SHC2: variants seen among roughly 807,000 people sequenced by gnomAD.
The protein encoded by SHC2 is SHC-transforming protein 2.
Under a neutral mutation model 60.6 loss-of-function variants are expected in SHC2, and 62 were observed. The ratio of observed to expected loss-of-function variants is 1.02; its 90% confidence interval spans 0.83 to 1.26. The LOEUF (loss-of-function observed/expected upper bound fraction) is 1.26, where lower values mean the gene tolerates loss of function less well. Ranked by LOEUF, SHC2 falls within the 50% of genes most tolerant of loss-of-function variation. The pLI is 0.00. For missense variants in SHC2, 873 were observed against 822.2 expected (o/e 1.06, Z -0.76); for synonymous variants, 375 against 372.4 (o/e 1.01, Z -0.08).
Position 436,668 on chromosome 19 carries a change from G to A in SHC2, c.736C>T (p.His246Tyr), listed in dbSNP as rs756890819. Residue 246 changes from histidine (H) to tyrosine (Y), a missense_variant, in exon 5 of 13, where the codon CAC (histidine) becomes TAC (tyrosine). By Grantham distance (83) the His-to-Tyr change is moderately conservative. Transcript: ENST00000264554. ...PATRQVIANH[H>Y]MPSISFASGG... ...GACGCGAAGGAGATGGACGGCATGT[G>A]GTGGTTGGCGATGACCTGTGGCGGC... The A allele has an allele frequency of 5.0e-6, 8 of 1,606,718 alleles. No individual in the cohort carries two copies. The South Asian group carries it at 8.8e-5, about 18-fold the overall frequency.
intron 1 of SHC2, among the ~76,000 whole-genome samples, chr19:451,650 T>G (rs572424239): frequency 2.0e-5 from 3 of 152,336 alleles, no homozygotes; most frequent in African/African-American, 7.2e-5. Flanking sequence ...CAGGCTGGAG[T>G]GCAGTGGCGT....
chr19:457,408 G>A lies in SHC2; in HGVS notation c.468+3121C>T, dbSNP rs184729528. Among the ~76,000 whole-genome samples, 60 of 88,484 alleles carry A rather than the reference G, an allele frequency of 6.8e-4. 1 individual carries two copies. Among genetic ancestry groups the A allele is most frequent in the Middle Eastern group, 7.0e-3 (1 of 142 alleles). 58.0% of individuals were successfully genotyped at this position (88,484 alleles called of 152,430 possible). ...AACTATGTCTGCAAACCCCACGGCC[G>A]GGGTTTCCATGGCTCAGGTCTCAGC... On this transcript the variant is annotated intron_variant, in intron 1 of 12. Coordinates refer to ENST00000264554, the MANE Select transcript of SHC2 (RefSeq NM_012435.3).
chr19:439,752 G>A (rs748445155), intron 2 of SHC2, among the ~76,000 whole-genome samples: 30 of 152,194 alleles, frequency 2.0e-4, no homozygotes, highest in Admixed American at 7.2e-4. Flanking sequence ...GCATGCAGGC[G>A]CGGCGGCCCC....
intron 11 of SHC2, 32 bp from the exon 12 acceptor site, chr19:419,088 G>T: frequency 6.5e-7 from 1 of 1,549,772 alleles, no homozygotes; most frequent in South Asian, 1.2e-5. Flanking sequence ...ATCAGCTCCC[G>T]GGAGCCCGCC....
In SHC2 at chr19:453,991, C is replaced by T. The variant is rs575915752; in HGVS notation, c.468+6538G>A. Among the ~76,000 whole-genome samples the T allele has an allele frequency of 1.3e-3, 193 of 152,316 alleles. 1 individual carries two copies. The highest frequency in any genetic ancestry group is 4.4e-3 in the African/African-American group (185 of 41,594). On this transcript the variant is annotated intron_variant, in intron 1 of 12. Coordinates refer to ENST00000264554, the MANE Select transcript of SHC2 (RefSeq NM_012435.3). The surrounding 1 kb of genome is among the most constrained non-coding windows in gnomAD (Gnocchi z 6.3). ...GGGTCGGTGTCCACAGACCTTGGCA[C>T]GAACTCTGGCCTCTCCAGGAGACAA...
intron 1 of SHC2, among the ~76,000 whole-genome samples, chr19:457,406 C>CCTTTGCACCTG (rs1555710252): frequency 1.3e-5 from 2 of 152,102 alleles, no homozygotes; most frequent in East Asian, 1.9e-4. Context: ...AACCCCACGG[C>CCTTTGCACCTG]CGGGGTTTCC....
chr19:418,242 G>A (rs1202262844), intron 12 of SHC2, among the ~76,000 whole-genome samples: 1 of 152,148 alleles, frequency 6.6e-6, no homozygotes, highest in African/African-American at 2.4e-5. Flanking sequence ...CGTCCTCTCC[G>A]GCAGTGCCCA....
At position 460,941 on chromosome 19, in the gene SHC2, G is replaced by T; in HGVS notation, c.56C>A (p.Pro19His). 2.0e-6 allele frequency: 2 copies of T among 988,700 alleles called. No individual in the cohort carries two copies. Among genetic ancestry groups the T allele is most frequent in the Non-Finnish European group, 2.4e-6 (2 of 833,224 alleles). The allele number at this position is 988,700 out of a possible 1,614,324, so 61.2% of individuals were successfully genotyped here. The change falls in exon 1 of 13, where the codon CCC (proline) becomes CAC (histidine). Residue 19 changes from proline (P) to histidine (H), a missense_variant. Coordinates refer to ENST00000264554, the MANE Select transcript of SHC2 (RefSeq NM_012435.3). ...APPAPPAPPE[P>H]EAPTTFCALL... is the part of the protein sequence containing the mutation. ...CGCGCAGAAGGTGGTGGGCGCCTCG[G>T]GCTCGGGGGGCGCGGGGGGCGCCGG...
Position 449,755 on chromosome 19 carries a change from G to A in SHC2, c.469-8823C>T, listed in dbSNP as rs769079070. Reference sequence around the variant, plus strand: ...CAGCCTGGGCAACGAGAGCAAAACCGTGTCTCAATAATGATAATAATAATA... The same window carrying A: ...CAGCCTGGGCAACGAGAGCAAAACCATGTCTCAATAATGATAATAATAATA... On this transcript the variant is annotated intron_variant, in intron 1 of 12. Transcript: ENST00000264554. 3.0e-4 allele frequency among the ~76,000 whole-genome samples: 46 copies of A among 152,070 alleles called. 1 individual carries two copies. Among genetic ancestry groups the A allele is most frequent in the Non-Finnish European group, 5.7e-4 (39 of 68,034 alleles).
rs1974879204 is a variant in SHC2 at position 441,839 on chromosome 19, T to C, written c.469-907A>G. 1.3e-5 allele frequency among the ~76,000 whole-genome samples: 2 copies of C among 152,272 alleles called. No homozygotes were observed. The highest frequency in any genetic ancestry group is 4.1e-4 in the South Asian group (2 of 4,832). ...TTATGTGAAGTCCACCTCAGTTTCT[T>C]TAAATGATCAACACGCAAACACTTT... On this transcript the variant is annotated intron_variant, in intron 1 of 12. Coordinates refer to ENST00000264554, the MANE Select transcript of SHC2 (RefSeq NM_012435.3). This position sits in a 1 kb window ranked among gnomAD's most constrained non-coding sequence, Gnocchi z 4.9.
intron 1 of SHC2, among the ~76,000 whole-genome samples, chr19:443,468 G>A (rs1477370307): frequency 6.7e-6 from 1 of 148,316 alleles, no homozygotes; most frequent in African/African-American, 2.5e-5. Context: ...GTGGACAGAT[G>A]GGTGGATGAA....
At chr19:434,967 TC>T in intron 7 of SHC2, 102 bp from the exon 8 acceptor site, 2 of 1,256,690 alleles carry the variant, frequency 1.6e-6, no homozygotes, top group Non-Finnish European at 2.2e-6. Flanking sequence ...TGAGTTCGAA[TC>T]CCAGCCCCCC....
chr19:427,494 C>CGGCACAGGGAAGGGGAATTGCGCAT (rs1974447610), intron 9 of SHC2, among the ~76,000 whole-genome samples: 12 of 146,628 alleles, frequency 8.2e-5, no homozygotes, highest in Admixed American at 7.5e-4. Context: ...GAATTGCACA[C>CGGCACAGGGAAGGGGAATTGCGCAT]GGCACAGGGA....
At position 418,970 on chromosome 19, in the gene SHC2, C is replaced by A; in HGVS notation, c.1707G>T (p.Glu569Asp). The change falls in exon 12 of 13, where the codon GAG becomes GAT. Residue 569 changes from glutamate to aspartate, a missense_variant. By Grantham distance (45) the Glu-to-Asp change is conservative. Coordinates refer to ENST00000264554, the MANE Select transcript of SHC2 (RefSeq NM_012435.3). Reference protein sequence around the residue: ...LQNGQPIVAAESELHLRGVVS... With the variant: ...LQNGQPIVAADSELHLRGVVS... Reference sequence around the variant, plus strand: ...CCACGCCACGCAGGTGCAGCTCACTCTCGGCGGCCACGATGGGCTGCCCGT... The same window carrying A: ...CCACGCCACGCAGGTGCAGCTCACTATCGGCGGCCACGATGGGCTGCCCGT... 6.3e-7 allele frequency: 1 copy of A among 1,585,862 alleles called. No individual in the cohort carries two copies. Among genetic ancestry groups the A allele is most frequent in the East Asian group, 2.3e-5 (1 of 43,336 alleles).
At chr19:421,480 T>C (rs1021863075) in intron 11 of SHC2, among the ~76,000 whole-genome samples, 2 of 145,198 alleles carry the variant, frequency 1.4e-5, no homozygotes, top group African/African-American at 2.6e-5. Context: ...GAAGAAGGAA[T>C]TGAAGCAATT....
rs894829568 is a variant in SHC2, at chr19:445,096, T to C, written c.469-4164A>G. On this transcript the variant is annotated intron_variant, in intron 1 of 12. Transcript: ENST00000264554. This position sits in a 1 kb window ranked among gnomAD's most constrained non-coding sequence, Gnocchi z 4.4. ...GCCCAGTGCTGCCGGCCATGTGCTT[T>C]TTTAAAAAAGAGACCAGAAATTCAG... 3.3e-5 allele frequency among the ~76,000 whole-genome samples: 5 copies of C among 152,248 alleles called. No homozygotes were observed. The highest frequency in any genetic ancestry group is 9.6e-5 in the African/African-American group (4 of 41,462).
rs931396628 is a variant in SHC2, at chr19:422,746, T to C, written c.1310-290A>G. ...TTCAGAGGTTAACTCCTATTTCTTT[T>C]TCCTGCCTTGTCAGGTGGGCTTCCT... On this transcript the variant is annotated intron_variant, in intron 10 of 12. Coordinates refer to ENST00000264554, the MANE Select transcript of SHC2 (RefSeq NM_012435.3). This position sits in a 1 kb window ranked among gnomAD's most constrained non-coding sequence, Gnocchi z 5.0. 1.3e-5 allele frequency: 4 copies of C among 314,186 alleles called. No individual in the cohort carries two copies. Among genetic ancestry groups the C allele is most frequent in the Non-Finnish European group, 2.3e-5 (4 of 171,498 alleles). 19.5% of individuals were successfully genotyped at this position (314,186 alleles called of 1,614,324 possible).
rs1289776887 is a variant in SHC2, at chr19:419,310, G to A, written c.1621-254C>T. 4.0e-5 allele frequency: 18 copies of A among 455,212 alleles called. No individual in the cohort carries two copies. In the East Asian group the frequency reaches 6.1e-4, roughly 15 times the overall value. 28.2% of individuals were successfully genotyped at this position (455,212 alleles called of 1,614,324 possible). On this transcript the variant is annotated intron_variant, in intron 11 of 12. Coordinates refer to ENST00000264554, the MANE Select transcript of SHC2 (RefSeq NM_012435.3). ...GGGAGCTGAAAGGTGACCGCGGGAA[G>A]ATGCGGCCAGGTCCCAGCCCTCAGA...
rs1276799315 is a variant in SHC2, at chr19:423,202, T to TGGGGGCTGAGCCAGCTCCAA, written c.1310-747_1310-746insTTGGAGCTGGCTCAGCCCCC. 3.5e-4 allele frequency among the ~76,000 whole-genome samples: 10 copies of TGGGGGCTGAGCCAGCTCCAA among 28,458 alleles called. 1 individual carries two copies. Among genetic ancestry groups the TGGGGGCTGAGCCAGCTCCAA allele is most frequent in the African/African-American group, 6.0e-4 (3 of 5,020 alleles). The allele number at this position is 28,458 out of a possible 152,430, so 18.7% of individuals were successfully genotyped here. On this transcript the variant is annotated intron_variant, in intron 10 of 12. Coordinates refer to ENST00000264554, the MANE Select transcript of SHC2 (RefSeq NM_012435.3). ...CTGGGGGGTCCTCCCGCCCTGACCC[T>TGGGGGCTGAGCCAGCTCCAA]CACTCCCTGGTCTCCCGCCCCTCCA...
Sources: gnomAD v4.1 joint callset for allele counts (sites outside exome capture counted in the v4.1 genomes callset) on GRCh38, gnomAD v4.1.1 for gene constraint, Gnocchi (gnomAD v3.1) non-coding constraint, MANE v1.5 for transcripts, NCBI Gene and HGNC (gene_info 2026-07-23, HGNC 2026-07-21) for gene names.